The following GRIP1 variants were observed in gnomAD, a reference collection of about 807,000 sequenced individuals.
GRIP1 encodes the protein glutamate receptor-interacting protein 1.
GRIP1 carries 45 observed loss-of-function variants against 129.9 expected under a neutral mutation model. The observed-to-expected ratio is 0.35, with a 90% CI of 0.27 to 0.44. GRIP1 has a LOEUF of 0.44. GRIP1 is among the 20% of genes least tolerant of loss of function. The pLI is 1.00. For missense variants in GRIP1, 1,196 were observed against 1,396.8 expected (o/e 0.86, Z 2.29); for synonymous variants, 530 against 520.8 (o/e 1.02, Z -0.24).
rs531473654 is a variant in GRIP1, at chr12:66,595,082, T to C, written c.136+1765A>G. Among the ~76,000 whole-genome samples the C allele has an allele frequency of 1.4e-4, 21 of 152,338 alleles. No homozygotes were observed. The South Asian group carries it at 4.4e-3, about 32-fold the overall frequency. On this transcript the variant is annotated intron_variant, in intron 2 of 24. Transcript: ENST00000359742. ...CTGTTCTAAATAACTAAGAAAATTCTGAACACTCCTAATATCTCTGGCCCC... is the reference window on the plus strand; with the variant it reads ...CTGTTCTAAATAACTAAGAAAATTCCGAACACTCCTAATATCTCTGGCCCC...
At chr12:66,892,937 G>A (rs954642198) in intron 1 of GRIP1, among the ~76,000 whole-genome samples, 1 of 152,120 alleles carries the variant, frequency 6.6e-6, no homozygotes, top group Non-Finnish European at 1.5e-5. Context: ...ATGCAGTCCA[G>A]CCTAGGTGAT....
chr12:66,870,723 A>G (rs2040281578), intron 1 of GRIP1, among the ~76,000 whole-genome samples: 1 of 152,140 alleles, frequency 6.6e-6, no homozygotes, highest in African/African-American at 2.4e-5. Flanking sequence ...AAGTGCTATC[A>G]CACTGGAAAG....
intron 2 of GRIP1, among the ~76,000 whole-genome samples, chr12:66,561,910 T>C (rs2062547386): frequency 2.6e-5 from 4 of 151,934 alleles, no homozygotes; most frequent in African/African-American, 9.6e-5. Context: ...CCTGGACAAC[T>C]TGGTGAAACT....
chr12:66,984,965 G>A (rs2042290408), intron 1 of GRIP1, among the ~76,000 whole-genome samples: 1 of 152,162 alleles, frequency 6.6e-6, no homozygotes, highest in Non-Finnish European at 1.5e-5. Flanking sequence ...AGCTGGGGTG[G>A]CTAAAAGACA....
intron 7 of GRIP1, among the ~76,000 whole-genome samples, chr12:66,510,290 T>C (rs2060659159): frequency 6.6e-6 from 1 of 152,148 alleles, no homozygotes; most frequent in South Asian, 2.1e-4. Flanking sequence ...CCTCAATTTA[T>C]TCTATAGGGC....
At chr12:66,601,941 T>C (rs1433913000) in intron 1 of GRIP1, among the ~76,000 whole-genome samples, 3 of 152,170 alleles carry the variant, frequency 2.0e-5, no homozygotes, top group Non-Finnish European at 4.4e-5. Context: ...GGCAGAATCA[T>C]TACTACCTAC....
At chr12:66,402,675 G>A (rs902771501) in intron 16 of GRIP1, among the ~76,000 whole-genome samples, 4 of 152,248 alleles carry the variant, frequency 2.6e-5, no homozygotes, top group African/African-American at 9.6e-5. Flanking sequence ...AGTGCAGAGG[G>A]CCCACATTAG....
intron 1 of GRIP1, among the ~76,000 whole-genome samples, chr12:67,007,980 G>A (rs1432105739): frequency 6.6e-6 from 1 of 152,082 alleles, no homozygotes. Flanking sequence ...AATGAAATAG[G>A]AACCCACAGA....
chr12:66,833,724 G>A (rs1355298145), intron 1 of GRIP1, among the ~76,000 whole-genome samples: 1 of 152,098 alleles, frequency 6.6e-6, no homozygotes, highest in Non-Finnish European at 1.5e-5. Context: ...GGTACTGTGT[G>A]TAGCCAAGTA....
intron 1 of GRIP1, among the ~76,000 whole-genome samples, chr12:66,703,311 A>T (rs972314788): frequency 6.6e-6 from 1 of 152,116 alleles, no homozygotes; most frequent in African/African-American, 2.4e-5. Context: ...GATTTCTAAG[A>T]CCTTGCCAAA....
chr12:66,349,317 C>A (rs2054116375), intron 24 of GRIP1, 71 bp from the exon 25 acceptor site: 2 of 1,243,684 alleles, frequency 1.6e-6, no homozygotes, highest in Non-Finnish European at 2.4e-6. Flanking sequence ...AGTAACATTT[C>A]AGGTGCAACA....
intron 1 of GRIP1, among the ~76,000 whole-genome samples, chr12:66,857,360 CA>C (rs1272063905): frequency 6.6e-6 from 1 of 151,634 alleles, no homozygotes; most frequent in Non-Finnish European, 1.5e-5. Context: ...AAAGTGAAAC[CA>C]AAGCTTGGAT....
intron 7 of GRIP1, among the ~76,000 whole-genome samples, chr12:66,505,431 C>A (rs1391699320): frequency 5.3e-5 from 8 of 152,108 alleles, no homozygotes; most frequent in African/African-American, 9.7e-5. Context: ...ATTTCCCAGA[C>A]CTTACAGATA....
At chr12:66,915,172 G>A (rs1253478896) in intron 1 of GRIP1, among the ~76,000 whole-genome samples, 1 of 152,212 alleles carries the variant, frequency 6.6e-6, no homozygotes, top group Admixed American at 6.5e-5. Flanking sequence ...TCTTGCTTTT[G>A]AGATGTTGCT....
chr12:66,585,788 C>A (rs10459224), intron 2 of GRIP1, among the ~76,000 whole-genome samples: 1 of 149,466 alleles, frequency 6.7e-6, no homozygotes, highest in African/African-American at 2.5e-5. Flanking sequence ...TTTTAATGAT[C>A]GCCATTCTAA....
intron 1 of GRIP1, among the ~76,000 whole-genome samples, chr12:66,660,746 GATATTT>G (rs1189703826): frequency 1.3e-5 from 2 of 152,054 alleles, no homozygotes; most frequent in African/African-American, 2.4e-5. Flanking sequence ...CTTTTATTCA[GATATTT>G]ATATTTATAT....
chr12:66,390,542 G>A (rs2056543500), intron 19 of GRIP1, among the ~76,000 whole-genome samples: 1 of 152,112 alleles, frequency 6.6e-6, no homozygotes, highest in Admixed American at 6.5e-5. Context: ...CTAGTGAGGG[G>A]CAGGTCCTAT....
chr12:66,413,573 G>A (rs2057476506), intron 15 of GRIP1, among the ~76,000 whole-genome samples: 1 of 152,096 alleles, frequency 6.6e-6, no homozygotes, highest in African/African-American at 2.4e-5. Context: ...TGAAAAGGTG[G>A]GACTTCTCCC....
chr12:66,530,632 G>C (rs1007686484), intron 4 of GRIP1, among the ~76,000 whole-genome samples: 2 of 151,944 alleles, frequency 1.3e-5, no homozygotes, highest in African/African-American at 4.8e-5. Flanking sequence ...ATGTATGATG[G>C]TATAAGGTAT....
Sources: gnomAD v4.1 joint callset for allele counts (sites outside exome capture counted in the v4.1 genomes callset) on GRCh38, gnomAD v4.1.1 for gene constraint, MANE v1.5 for transcripts, NCBI Gene and HGNC (gene_info 2026-07-23, HGNC 2026-07-21) for gene names.